DPYSL2: variants seen among roughly 807,000 people sequenced by gnomAD.
The protein encoded by DPYSL2 is dihydropyrimidinase like 2, also known as dihydropyrimidinase-related protein 2.
DPYSL2 carries 13 observed loss-of-function variants against 69.9 expected under a neutral mutation model. The observed-to-expected ratio is 0.19, with a 90% confidence interval of 0.12 to 0.30. DPYSL2 has a LOEUF of 0.30. Ranked by LOEUF, DPYSL2 falls within the 10% of genes least tolerant of loss-of-function variation. The pLI is 1.00. For missense variants in DPYSL2, 587 were observed against 918.9 expected (o/e 0.64, Z 4.67); for synonymous variants, 326 against 359.1 (o/e 0.91, Z 1.04).
In DPYSL2 at chr8:26,652,196, C is replaced by A; in HGVS notation, c.1597-61C>A. 1 of 1,511,122 alleles carries A rather than the reference C, an allele frequency of 6.6e-7. No homozygotes were observed. 93.6% of individuals were successfully genotyped at this position (1,511,122 alleles called of 1,614,324 possible). On this transcript the variant is annotated intron_variant, in intron 11 of 13. Coordinates refer to ENST00000521913, the MANE Select transcript of DPYSL2 (RefSeq NM_001197293.3). The surrounding 1 kb of genome is among the most constrained non-coding windows in gnomAD (Gnocchi z 6.3). ...TGTGGGGTTGGGGCAGTGGGTGCTG[C>A]CGGGTGGATTGAGTCCAGCCAGAGT... is the stretch of plus-strand genomic sequence containing the variant.
At position 26,656,481 on chromosome 8, in the gene DPYSL2, TTC is replaced by T. The variant is rs1803394758; in HGVS notation, c.*783_*784del. 1 of 152,366 alleles carries T rather than the reference TTC, an allele frequency of 6.6e-6. No homozygotes were observed. Among genetic ancestry groups the T allele is most frequent in the Admixed American group, 6.6e-5 (1 of 15,258 alleles). The allele number at this position is 152,366 out of a possible 1,614,324, so 9.4% of individuals were successfully genotyped here. A position where few individuals can be genotyped will look rare whatever the true frequency, so the allele number is the denominator to read the frequency against. ...TTTTCTGCGTGCTCTCACTCTCTCT[TTC>T]TCTCTCTAGCTTTTTAATTCATGAA... On this transcript the variant is annotated 3_prime_UTR_variant, in exon 14 of 14. Coordinates refer to ENST00000521913, the MANE Select transcript of DPYSL2 (RefSeq NM_001197293.3).
At chr8:26,570,400 C>A (rs185665250) in intron 1 of DPYSL2, among the ~76,000 whole-genome samples, 3 of 152,242 alleles carry the variant, frequency 2.0e-5, no homozygotes, top group African/African-American at 7.2e-5. Context: ...CTACCTCTTG[C>A]ACAAGGTGGG....
At chr8:26,576,331 T>G (rs1173114259) in intron 1 of DPYSL2, among the ~76,000 whole-genome samples, 1 of 152,188 alleles carries the variant, frequency 6.6e-6, no homozygotes, top group Admixed American at 6.5e-5. Flanking sequence ...AGCTAAGCTT[T>G]GCTGAGCAGG....
chr8:26,640,675 C>G lies in DPYSL2; in HGVS notation c.1127-2764C>G, dbSNP rs1054057883. Reference sequence around the variant, plus strand: ...GATGGCTAAACTCCTGTCGCTGATTCTGGGCTAAGAAAGAAAGAAAATCCA... The same window carrying G: ...GATGGCTAAACTCCTGTCGCTGATTGTGGGCTAAGAAAGAAAGAAAATCCA... On this transcript the variant is annotated intron_variant, in intron 8 of 13. Coordinates refer to ENST00000521913, the MANE Select transcript of DPYSL2 (RefSeq NM_001197293.3). The surrounding 1 kb of genome is among the most constrained non-coding windows in gnomAD (Gnocchi z 4.2). 6.6e-6 allele frequency among the ~76,000 whole-genome samples: 1 copy of G among 152,068 alleles called. No individual in the cohort carries two copies. Among genetic ancestry groups the G allele is most frequent in the Non-Finnish European group, 1.5e-5 (1 of 68,018 alleles).
chr8:26,637,628 T>G (rs1802950312), intron 8 of DPYSL2: 2 of 152,236 alleles, frequency 1.3e-5, no homozygotes, highest in South Asian at 4.1e-4. Flanking sequence ...ATGGGTAATG[T>G]ACACACAAGG....
rs1803128878 is a variant in DPYSL2 at position 26,644,936 on chromosome 8, A to C, written c.1425+845A>C. Among the ~76,000 whole-genome samples the C allele has an allele frequency of 6.6e-6, 1 of 152,188 alleles. No homozygotes were observed. Among genetic ancestry groups the C allele is most frequent in the Non-Finnish European group, 1.5e-5 (1 of 68,026 alleles). Reference sequence around the variant, plus strand: ...TTCTGTTTTTTAGTGAATTGTTTAGATTATATGAAGAATATATCCTTATTT... The same window carrying C: ...TTCTGTTTTTTAGTGAATTGTTTAGCTTATATGAAGAATATATCCTTATTT... On this transcript the variant is annotated intron_variant, in intron 10 of 13. Coordinates refer to ENST00000521913, the MANE Select transcript of DPYSL2 (RefSeq NM_001197293.3). The surrounding 1 kb of genome is among the most constrained non-coding windows in gnomAD (Gnocchi z 4.5).
chr8:26,626,992 C>T lies in DPYSL2; in HGVS notation c.856-223C>T, dbSNP rs1251835677. Among the ~76,000 whole-genome samples, 1 of 152,218 alleles carries T rather than the reference C, an allele frequency of 6.6e-6. No homozygotes were observed. ...CCAAGAGCTTCTCACTCCCGGTCCACGTCCTGCTAAGTTGTACTGCCTCTG... is the reference window on the plus strand; with the variant it reads ...CCAAGAGCTTCTCACTCCCGGTCCATGTCCTGCTAAGTTGTACTGCCTCTG... On this transcript the variant is annotated intron_variant, in intron 5 of 13. Transcript: ENST00000521913. The surrounding 1 kb of genome is among the most constrained non-coding windows in gnomAD (Gnocchi z 4.3).
At chr8:26,608,246 A>T (rs1345523882) in intron 3 of DPYSL2, among the ~76,000 whole-genome samples, 1 of 152,226 alleles carries the variant, frequency 6.6e-6, no homozygotes, top group Admixed American at 6.5e-5. Flanking sequence ...TAAAAAGTGT[A>T]TATGTGTATA....
chr8:26,653,235 G>C lies in DPYSL2; in HGVS notation c.1780G>C (p.Ala594Pro). The C allele has an allele frequency of 6.2e-7, 1 of 1,613,646 alleles. No homozygotes were observed. The highest frequency in any genetic ancestry group is 8.5e-7 in the Non-Finnish European group (1 of 1,179,684). ...GGGGGACTCTTGTGTTTTGCAGCTG[G>C]CTGAGCTGAGAGGGGTTCCTCGTGG... ...YKRIKARSRL[A>P]ELRGVPRGLY... is the part of the protein sequence containing the mutation. The change falls in exon 13 of 14, where the codon GCT (alanine) becomes CCT (proline). Residue 594 changes from alanine to proline, a missense_variant. By Grantham distance (27) the Ala-to-Pro change is conservative. Around this residue, in one of 3 missense-constraint regions of DPYSL2, gnomAD observed 452 missense variants for 754.3 expected, o/e 0.60. Coordinates refer to ENST00000521913, the MANE Select transcript of DPYSL2 (RefSeq NM_001197293.3). This position sits in a 1 kb window ranked among gnomAD's most constrained non-coding sequence, Gnocchi z 5.7.
rs1278550111 is a variant in DPYSL2 at position 26,641,917 on chromosome 8, G to T, written c.1127-1522G>T. On this transcript the variant is annotated intron_variant, in intron 8 of 13. Transcript: ENST00000521913. This position sits in a 1 kb window ranked among gnomAD's most constrained non-coding sequence, Gnocchi z 4.1. ...TCTCAGAGTGGCCGACAGGGAGGGT[G>T]TTGTGGTGTATCATCAAGTGATAAG... 6.6e-6 allele frequency among the ~76,000 whole-genome samples: 1 copy of T among 152,186 alleles called. No homozygotes were observed. Among genetic ancestry groups the T allele is most frequent in the Non-Finnish European group, 1.5e-5 (1 of 68,042 alleles).
At chr8:26,603,315 G>A (rs1043384566) in intron 3 of DPYSL2, among the ~76,000 whole-genome samples, 1 of 152,100 alleles carries the variant, frequency 6.6e-6, no homozygotes, top group African/African-American at 2.4e-5. Context: ...TGAGACTACA[G>A]GTGTCCACCA....
At chr8:26,531,062 GAA>G (rs11343463) in intron 1 of DPYSL2, among the ~76,000 whole-genome samples, 4,794 of 132,808 alleles carry the variant, frequency 0.036, 230 homozygotes, top group African/African-American at 0.12. Flanking sequence ...TCGTCTCAAA[GAA>G]AAAAAAAAAA....
chr8:26,655,016 A>T (rs1194996575), intron 13 of DPYSL2, among the ~76,000 whole-genome samples: 2 of 145,578 alleles, frequency 1.4e-5, no homozygotes, highest in African/African-American at 2.5e-5. Context: ...TAATTTTTTA[A>T]TTTTTTTTTT....
At chr8:26,573,472 T>G (rs1038128677) in intron 1 of DPYSL2, among the ~76,000 whole-genome samples, 2 of 151,570 alleles carry the variant, frequency 1.3e-5, no homozygotes, top group African/African-American at 2.4e-5. Context: ...ATCGAGACCA[T>G]CCTGGCAAAC....
At chr8:26,629,955 G>A (rs370734939) in intron 7 of DPYSL2, among the ~76,000 whole-genome samples, 2 of 146,952 alleles carry the variant, frequency 1.4e-5, no homozygotes, top group African/African-American at 4.9e-5. Flanking sequence ...GCACACACAC[G>A]TGCACACACT....
chr8:26,528,371 G>A (rs1003084083), intron 1 of DPYSL2, among the ~76,000 whole-genome samples: 12 of 152,144 alleles, frequency 7.9e-5, no homozygotes, highest in Admixed American at 2.6e-4. Flanking sequence ...GAAATGGGCC[G>A]GGCGCGGTGG....
chr8:26,627,873 A>G lies in DPYSL2; in HGVS notation c.938A>G (p.Glu313Gly), dbSNP rs761564129. ...CCTGACTTTCTCTAAACATTGCAGG[A>G]GCAGCAGAGGATCCTGGATCTGGGC... is the stretch of plus-strand genomic sequence containing the variant. ...HAENGDIIAEEQQRILDLGIT... is the reference protein window; with the variant it reads ...HAENGDIIAEGQQRILDLGIT... The change falls in exon 7 of 14, where the codon GAG becomes GGG. Residue 313 changes from glutamate (E) to glycine (G), a missense_variant and splice_region_variant. By Grantham distance (98) the Glu-to-Gly change is moderately conservative. Coordinates refer to ENST00000521913, the MANE Select transcript of DPYSL2 (RefSeq NM_001197293.3). The surrounding 1 kb of genome is among the most constrained non-coding windows in gnomAD (Gnocchi z 6.9). The G allele has an allele frequency of 6.2e-7, 1 of 1,613,700 alleles. No homozygotes were observed. The highest frequency in any genetic ancestry group is 8.5e-7 in the Non-Finnish European group (1 of 1,179,988).
intron 8 of DPYSL2, among the ~76,000 whole-genome samples, chr8:26,636,952 G>A (rs2129950458): frequency 6.6e-6 from 1 of 152,182 alleles, no homozygotes; most frequent in Admixed American, 6.5e-5. Flanking sequence ...ATGTTGACCA[G>A]GCTGGTCTGG....
chr8:26,569,090 C>T lies in DPYSL2; in HGVS notation c.355-12879C>T, dbSNP rs561610611. ...CTGGGGTGAAGTCTAGGCGTGAGGGCCCCCAACTGTAATCCCACTGCTTTG... is the reference window on the plus strand; with the variant it reads ...CTGGGGTGAAGTCTAGGCGTGAGGGTCCCCAACTGTAATCCCACTGCTTTG... On this transcript the variant is annotated intron_variant, in intron 1 of 13. Coordinates refer to ENST00000521913, the MANE Select transcript of DPYSL2 (RefSeq NM_001197293.3). 1.7e-3 allele frequency among the ~76,000 whole-genome samples: 255 copies of T among 152,192 alleles called. 2 individuals are homozygous for T. Among genetic ancestry groups the T allele is most frequent in the African/African-American group, 5.6e-3 (232 of 41,532 alleles).
Sources: gnomAD v4.1 joint callset for allele counts (sites outside exome capture counted in the v4.1 genomes callset) on GRCh38, gnomAD v4.1.1 for gene constraint, gnomAD v4.1.1 regional missense constraint, Gnocchi (gnomAD v3.1) non-coding constraint, MANE v1.5 for transcripts, NCBI Gene and HGNC (gene_info 2026-07-23, HGNC 2026-07-21) for gene names.